The following ERCC6 variants were observed in gnomAD, a reference collection of about 807,000 sequenced individuals.
ERCC6 encodes DNA excision repair protein ERCC-6.
In ERCC6, 116 loss-of-function variants were observed where a neutral mutation model predicts 158.7. That is an observed-to-expected ratio of 0.73 (90% CI 0.63 to 0.85). The LOEUF is 0.85. ERCC6 is among the 40% of genes least tolerant of loss of function. ERCC6 has a pLI of 0.00. For synonymous variants in ERCC6, 678 were observed against 659.3 expected (o/e 1.03, Z -0.43); for missense variants, 1,698 against 1,799.4 (o/e 0.94, Z 1.02).
intron 12 of ERCC6, chr10:49,475,418 A>AC (rs1475958786): frequency 4.4e-6 from 2 of 452,134 alleles, no homozygotes; most frequent in South Asian, 1.6e-5. Flanking sequence ...TGTGATCTAG[A>AC]CCCCCTAACT....
chr10:49,504,359 T>C (rs1238340610), intron 6 of ERCC6: 2 of 152,164 alleles, frequency 1.3e-5, no homozygotes, highest in Non-Finnish European at 2.9e-5. Flanking sequence ...AAAAAACGAA[T>C]ATTATTTATA....
At chr10:49,526,141 A>T (rs1452002455) in intron 4 of ERCC6, among the ~76,000 whole-genome samples, 1,010 of 23,422 alleles carry the variant, frequency 0.043, 72 homozygotes, top group African/African-American at 0.076. Context: ...ATATATATAT[A>T]TATATATATA....
rs146371365 is a variant in ERCC6 at position 49,532,719 on chromosome 10, T to C, written c.246A>G (p.Ala82=). 57 of 1,614,114 alleles carry C rather than the reference T, an allele frequency of 3.5e-5. No individual in the cohort carries two copies. The African/African-American group carries it at 5.9e-4, about 17-fold the overall frequency. ...LLHIDRHQIQ[A]VEPSAQALEL... ...CAAGGGCCTGGGCGCTAGGCTCTAC[T>C]GCCTGGATCTGATGTCGGTCGATGT... is the stretch of plus-strand genomic sequence containing the variant. Residue 82 remains alanine, a synonymous_variant, in exon 2 of 21, where the codon GCA becomes GCG. Transcript: ENST00000355832.
intron 5 of ERCC6, chr10:49,516,393 T>C (rs779874677): frequency 6.2e-7 from 1 of 1,614,180 alleles, no homozygotes; most frequent in South Asian, 1.1e-5. Context: ...GGAAAATTTG[T>C]CCACTGGATC....
In ERCC6 at chr10:49,458,703, C is replaced by G. The variant is rs1044020539; in HGVS notation, c.*112G>C. 2 of 1,073,138 alleles carry G rather than the reference C, an allele frequency of 1.9e-6. No individual in the cohort carries two copies. Among genetic ancestry groups the G allele is most frequent in the African/African-American group, 3.2e-5 (2 of 62,462 alleles). The allele number at this position is 1,073,138 out of a possible 1,614,324, so 66.5% of individuals were successfully genotyped here. On this transcript the variant is annotated 3_prime_UTR_variant, in exon 21 of 21. Coordinates refer to ENST00000355832, the MANE Select transcript of ERCC6 (RefSeq NM_000124.4). ...AATTCTGAGGTAGACATCATGCAAA[C>G]AAACATCAAGTGCAGCCAACTTCCA...
rs551339481 is a variant in ERCC6, at chr10:49,490,650, G to T, written c.1821+2467C>A. Among the ~76,000 whole-genome samples, 439 of 152,260 alleles carry T rather than the reference G, an allele frequency of 2.9e-3. 3 individuals are homozygous for T. The highest frequency in any genetic ancestry group is 5.2e-3 in the Non-Finnish European group (356 of 68,010). On this transcript the variant is annotated intron_variant, in intron 8 of 20. Transcript: ENST00000355832. The stretch of plus-strand genomic sequence containing the variant: ...TTACAGGCATGAGCCACCACGCCCG[G>T]ACAATTTTCAAAATTTATGTCATAC...
At chr10:49,481,353 T>C (rs1199169186) in intron 10 of ERCC6, among the ~76,000 whole-genome samples, 1 of 152,162 alleles carries the variant, frequency 6.6e-6, no homozygotes, top group Non-Finnish European at 1.5e-5. Flanking sequence ...AAAAAAAGAA[T>C]GGTATAACAG....
intron 1 of ERCC6, among the ~76,000 whole-genome samples, chr10:49,534,934 G>A (rs1190156372): frequency 6.6e-6 from 1 of 152,180 alleles, no homozygotes; most frequent in East Asian, 1.9e-4. Context: ...GCAGCAGCAT[G>A]TCAGTTAACA....
At chr10:49,538,111 T>C (rs1239285714) in intron 1 of ERCC6, among the ~76,000 whole-genome samples, 3 of 152,264 alleles carry the variant, frequency 2.0e-5, no homozygotes, top group Non-Finnish European at 2.9e-5. Context: ...GCTCCGTTCA[T>C]GGCCTAAGTC....
chr10:49,469,540 A>C (rs1022150562), intron 18 of ERCC6, among the ~76,000 whole-genome samples: 1 of 152,216 alleles, frequency 6.6e-6, no homozygotes, highest in Non-Finnish European at 1.5e-5. Flanking sequence ...CAAAATATGA[A>C]ATTAACAAAA....
At chr10:49,527,887 A>G (rs144540948) in intron 4 of ERCC6, among the ~76,000 whole-genome samples, 143 of 152,310 alleles carry the variant, frequency 9.4e-4, no homozygotes, top group African/African-American at 3.4e-3. Context: ...GACTGCAAAG[A>G]TAATTTAGTT....
Position 49,478,403 on chromosome 10 carries a change from A to C in ERCC6, c.2237T>G (p.Met746Arg), listed in dbSNP as rs1850915642. ...AAGGCTCATCTTGACATCTGACTTC[A>C]TTCTCCGCAGTAGGTATGGATTTAT... ...DTINPYLLRR[M>R]KSDVKMSLSL... The change falls in exon 11 of 21, where the codon ATG (methionine) becomes AGG (arginine). Residue 746 changes from methionine to arginine, a missense_variant. Coordinates refer to ENST00000355832, the MANE Select transcript of ERCC6 (RefSeq NM_000124.4). 1 of 1,614,050 alleles carries C rather than the reference A, an allele frequency of 6.2e-7. No individual in the cohort carries two copies. Among genetic ancestry groups the C allele is most frequent in the East Asian group, 2.2e-5 (1 of 44,894 alleles).
At position 49,516,121 on chromosome 10, in the gene ERCC6, C is replaced by A; in HGVS notation, c.1397+7912G>T. The A allele has an allele frequency of 1.2e-6, 2 of 1,614,092 alleles. No homozygotes were observed. The highest frequency in any genetic ancestry group is 1.7e-6 in the Non-Finnish European group (2 of 1,180,030). ...GTAAGTGCCTCACTAAACTGAAGGACAAGTGACGCACCGACACCATATTCC... is the reference window on the plus strand; with the variant it reads ...GTAAGTGCCTCACTAAACTGAAGGAAAAGTGACGCACCGACACCATATTCC... On this transcript the variant is annotated intron_variant, in intron 5 of 20. Transcript: ENST00000355832.
intron 11 of ERCC6, 23 bp downstream of exon 11, chr10:49,478,331 C>T (rs145634791): frequency 2.4e-5 from 35 of 1,439,484 alleles, no homozygotes; most frequent in African/African-American, 1.3e-4. Context: ...AGGAATGCTT[C>T]GTTAACTCCT....
chr10:49,476,855 C>A (rs911115535), intron 11 of ERCC6, among the ~76,000 whole-genome samples: 1 of 152,176 alleles, frequency 6.6e-6, no homozygotes, highest in Non-Finnish European at 1.5e-5. Context: ...AGTCCACCAC[C>A]GCCAGTTACA....
intron 7 of ERCC6, among the ~76,000 whole-genome samples, chr10:49,495,112 C>G (rs772770938): frequency 6.6e-6 from 1 of 152,192 alleles, no homozygotes; most frequent in Non-Finnish European, 1.5e-5. Context: ...ATCCCTTTAG[C>G]TAAGCTCTTG....
chr10:49,519,067 C>T (rs1837072522), intron 5 of ERCC6, among the ~76,000 whole-genome samples: 1 of 152,250 alleles, frequency 6.6e-6, no homozygotes, highest in African/African-American at 2.4e-5. Flanking sequence ...GTCTTCTAGA[C>T]TCCTGAGCCA....
At position 49,530,199 on chromosome 10, in the gene ERCC6, C is replaced by T. The variant is rs369811624; in HGVS notation, c.543+521G>A. On this transcript the variant is annotated intron_variant, in intron 3 of 20. Coordinates refer to ENST00000355832, the MANE Select transcript of ERCC6 (RefSeq NM_000124.4). ...GTGATGCAGGAAAACTAAGGAAGTGCGCCCAAGTGAGGCAAGCAACACCAA... is the reference window on the plus strand; with the variant it reads ...GTGATGCAGGAAAACTAAGGAAGTGTGCCCAAGTGAGGCAAGCAACACCAA... 1.1e-4 allele frequency among the ~76,000 whole-genome samples: 17 copies of T among 152,276 alleles called. No individual in the cohort carries two copies. The East Asian group carries it at 3.3e-3, about 29-fold the overall frequency.
intron 5 of ERCC6, chr10:49,515,330 C>G: frequency 1.2e-6 from 2 of 1,602,222 alleles, no homozygotes; most frequent in Non-Finnish European, 1.7e-6. Context: ...GTGGTGACAC[C>G]TGCTATTCAG....
Sources: gnomAD v4.1 joint callset for allele counts (sites outside exome capture counted in the v4.1 genomes callset) on GRCh38, gnomAD v4.1.1 for gene constraint, MANE v1.5 for transcripts, NCBI Gene and HGNC (gene_info 2026-07-23, HGNC 2026-07-21) for gene names.